SH3RF2: variants seen among roughly 807,000 people sequenced by gnomAD.
SH3RF2 encodes SH3 domain containing ring finger 2.
Under a neutral mutation model 59.0 loss-of-function variants are expected in SH3RF2, and 43 were observed. The observed-to-expected ratio is 0.73, with a 90% confidence interval of 0.57 to 0.94. The LOEUF is 0.94. Among genes scored for constraint, SH3RF2 ranks in the 40% least tolerant of loss-of-function variants. The probability of loss-of-function intolerance (pLI) is 0.00; values close to 1 mark genes in which losing one functional copy is unlikely to be tolerated. For missense variants in SH3RF2, 930 were observed against 940.1 expected (o/e 0.99, Z 0.14); for synonymous variants, 391 against 391.5 (o/e 1.00, Z 0.01).
At chr5:145,939,025 G>T (rs1045068257) in intron 2 of SH3RF2, among the ~76,000 whole-genome samples, 1 of 152,252 alleles carries the variant, frequency 6.6e-6, no homozygotes, top group East Asian at 1.9e-4. Flanking sequence ...CCTCACAGGA[G>T]ATTAATGCTT....
chr5:146,020,028 G>A (rs1223035140), intron 5 of SH3RF2, among the ~76,000 whole-genome samples: 1 of 152,018 alleles, frequency 6.6e-6, no homozygotes, highest in Non-Finnish European at 1.5e-5. Flanking sequence ...GGTTTTCTAG[G>A]TATAAGATCA....
At chr5:146,002,883 C>T (rs1760483900) in intron 3 of SH3RF2, among the ~76,000 whole-genome samples, 1 of 152,180 alleles carries the variant, frequency 6.6e-6, no homozygotes, top group Non-Finnish European at 1.5e-5. Flanking sequence ...CATTCCCTAT[C>T]CTCTACCCTC....
intron 3 of SH3RF2, among the ~76,000 whole-genome samples, chr5:146,001,718 T>C (rs1047310107): frequency 1.3e-5 from 2 of 152,218 alleles, no homozygotes; most frequent in Non-Finnish European, 2.9e-5. Flanking sequence ...AGCCCATCCA[T>C]GTGCCAAGCT....
chr5:146,035,713 A>G (rs1761913605), intron 5 of SH3RF2, among the ~76,000 whole-genome samples: 1 of 152,158 alleles, frequency 6.6e-6, no homozygotes, highest in African/African-American at 2.4e-5. Flanking sequence ...CACCATAAAA[A>G]GCTACTTTAT....
At chr5:145,959,381 C>G (rs552384636) in intron 2 of SH3RF2, among the ~76,000 whole-genome samples, 1 of 152,234 alleles carries the variant, frequency 6.6e-6, no homozygotes, top group Non-Finnish European at 1.5e-5. Flanking sequence ...CCACCTCAAA[C>G]TAGCTCAAAC....
intron 2 of SH3RF2, among the ~76,000 whole-genome samples, chr5:145,990,832 C>G (rs780445617): frequency 6.6e-6 from 1 of 152,178 alleles, no homozygotes; most frequent in South Asian, 2.1e-4. Flanking sequence ...TGTGCCTTCT[C>G]GCCCCTGCAT....
chr5:145,956,273 TTTTTA>T (rs1758401967), intron 2 of SH3RF2, among the ~76,000 whole-genome samples: 1 of 152,060 alleles, frequency 6.6e-6, no homozygotes, highest in African/African-American at 2.4e-5. Context: ...TGCTTTTTTA[TTTTTA>T]TTTATTTTTT....
At chr5:145,957,838 C>G (rs1261110337) in intron 2 of SH3RF2, among the ~76,000 whole-genome samples, 1 of 152,184 alleles carries the variant, frequency 6.6e-6, no homozygotes, top group East Asian at 1.9e-4. Context: ...ACCAGCCAGG[C>G]ACAGCGGCTC....
chr5:146,024,576 CT>C (rs1446416351), intron 5 of SH3RF2, among the ~76,000 whole-genome samples: 2 of 152,182 alleles, frequency 1.3e-5, no homozygotes, highest in Non-Finnish European at 2.9e-5. Context: ...CACATCTACT[CT>C]TTCCTTTGTT....
In SH3RF2 at chr5:145,961,509, G is replaced by A. The variant is rs528633538; in HGVS notation, c.378+23203G>A. On this transcript the variant is annotated intron_variant, in intron 2 of 9. Transcript: ENST00000359120. Reference sequence around the variant, plus strand: ...GATTTCAGGATTCTTTGGGATGAAAGGACCCAAATGCCTAAAATACAGGAC... The same window carrying A: ...GATTTCAGGATTCTTTGGGATGAAAAGACCCAAATGCCTAAAATACAGGAC... Among the ~76,000 whole-genome samples, 4 of 152,302 alleles carry A rather than the reference G, an allele frequency of 2.6e-5. No homozygotes were observed. In the East Asian group the frequency reaches 7.7e-4, roughly 29 times the overall value.
chr5:146,032,724 TG>T (rs1335224855), intron 5 of SH3RF2, among the ~76,000 whole-genome samples: 1 of 152,194 alleles, frequency 6.6e-6, no homozygotes, highest in Non-Finnish European at 1.5e-5. Context: ...TAGACAAGTG[TG>T]CCCATAAATC....
intron 2 of SH3RF2, among the ~76,000 whole-genome samples, chr5:145,939,067 C>T (rs1464432395): frequency 6.6e-6 from 1 of 152,356 alleles, no homozygotes; most frequent in African/African-American, 2.4e-5. Flanking sequence ...TCGCTCTGTC[C>T]AGCGCTGAAA....
In SH3RF2 at chr5:146,049,323, A is replaced by C. The variant is rs551853644; in HGVS notation, c.1322+78A>C. The C allele has an allele frequency of 1.2e-5, 17 of 1,468,828 alleles. No homozygotes were observed. The East Asian group carries it at 3.0e-4, about 26-fold the overall frequency. The allele number at this position is 1,468,828 out of a possible 1,614,324, so 91.0% of individuals were successfully genotyped here. Reference sequence around the variant, plus strand: ...GGCCATCTGTGGGTTGAACTGGTGGAAGACCCAGTGCTCTTTCAGAAAACA... The same window carrying C: ...GGCCATCTGTGGGTTGAACTGGTGGCAGACCCAGTGCTCTTTCAGAAAACA... On this transcript the variant is annotated intron_variant, in intron 7 of 9. Transcript: ENST00000359120.
At chr5:145,978,305 C>T (rs1759374430) in intron 2 of SH3RF2, among the ~76,000 whole-genome samples, 2 of 152,186 alleles carry the variant, frequency 1.3e-5, no homozygotes, top group Non-Finnish European at 2.9e-5. Context: ...TGGTCTATTT[C>T]CTTCTACAAC....
intron 4 of SH3RF2, among the ~76,000 whole-genome samples, chr5:146,008,661 C>T (rs1760748832): frequency 6.6e-6 from 1 of 152,116 alleles, no homozygotes; most frequent in Non-Finnish European, 1.5e-5. Context: ...AAAATTTACT[C>T]TTTTTAACAT....
chr5:146,061,989 A>C (rs1017434614), intron 9 of SH3RF2, among the ~76,000 whole-genome samples: 3 of 152,164 alleles, frequency 2.0e-5, no homozygotes, highest in Non-Finnish European at 4.4e-5. Context: ...CCATTATGGA[A>C]ATCTCTAAAT....
chr5:145,992,479 G>A (rs1275804620), intron 2 of SH3RF2, among the ~76,000 whole-genome samples: 6 of 152,110 alleles, frequency 3.9e-5, no homozygotes, highest in African/African-American at 7.2e-5. Context: ...TAAATTTTTT[G>A]TATTAGTCTG....
intron 5 of SH3RF2, among the ~76,000 whole-genome samples, chr5:146,046,068 T>G (rs184396171): frequency 1.1e-4 from 17 of 152,302 alleles, no homozygotes; most frequent in African/African-American, 3.4e-4. Context: ...CACACATACA[T>G]TTACGCAATC....
At chr5:145,948,224 A>T (rs754550155) in intron 2 of SH3RF2, among the ~76,000 whole-genome samples, 1 of 152,240 alleles carries the variant, frequency 6.6e-6, no homozygotes, top group African/African-American at 2.4e-5. Context: ...TTAATAAAAC[A>T]AAATAGGAAA....
Sources: gnomAD v4.1 joint callset for allele counts (sites outside exome capture counted in the v4.1 genomes callset) on GRCh38, gnomAD v4.1.1 for gene constraint, MANE v1.5 for transcripts, NCBI Gene and HGNC (gene_info 2026-07-23, HGNC 2026-07-21) for gene names.